Variants in SLC1A2 observed in about 807,000 individuals in gnomAD.
The protein encoded by SLC1A2 is solute carrier family 1 member 2.
A neutral mutation model predicts 48.8 loss-of-function variants in SLC1A2; 15 were observed. The ratio of observed to expected loss-of-function variants is 0.31; its 90% CI spans 0.21 to 0.47. The LOEUF is 0.47. Ranked by LOEUF, SLC1A2 falls within the 20% of genes least tolerant of loss-of-function variation. SLC1A2 has a pLI of 0.99. For missense variants in SLC1A2, 502 were observed against 730.5 expected (o/e 0.69, Z 3.61); for synonymous variants, 279 against 272.6 (o/e 1.02, Z -0.23).
At position 35,317,767 on chromosome 11, in the gene SLC1A2, G is replaced by T. The variant is rs557968479; in HGVS notation, c.18-251C>A. Among the ~76,000 whole-genome samples the T allele has an allele frequency of 2.6e-5, 4 of 152,310 alleles. No individual in the cohort carries two copies. The East Asian group carries it at 7.7e-4, about 29-fold the overall frequency. On this transcript the variant is annotated intron_variant, in intron 1 of 10. Transcript: ENST00000278379. ...AGGATCTTCCAAAGAGTTGCCCCCC[G>T]TGGTAACTTGGGGAAGGAAGTTATC... is the stretch of plus-strand genomic sequence containing the variant.
intron 1 of SLC1A2, among the ~76,000 whole-genome samples, chr11:35,366,883 T>C (rs1227473439): frequency 6.6e-6 from 1 of 152,168 alleles, no homozygotes; most frequent in African/African-American, 2.4e-5. Context: ...ATGCATGCAG[T>C]TGCCCTGCAA....
intron 1 of SLC1A2, among the ~76,000 whole-genome samples, chr11:35,351,463 C>A (rs916849356): frequency 3.3e-5 from 5 of 152,164 alleles, no homozygotes; most frequent in Non-Finnish European, 7.3e-5. Flanking sequence ...ATACTTCACC[C>A]CACTCAGCTC....
Position 35,265,659 on chromosome 11 carries a change from C to T in SLC1A2, c.1521G>A (p.Gln507=). Residue 507 remains glutamine, a synonymous_variant, in exon 10 of 11, where the codon CAG becomes CAA. Coordinates refer to ENST00000278379, the MANE Select transcript of SLC1A2 (RefSeq NM_004171.4). ...SKSELDTIDS[Q]HRVHEDIEMT... is the part of the protein sequence containing the mutation. ...TTTCAATATCTTCATGCACTCGATGCTGGGAGTCAATGGTATCCAGCTCAG... is the reference window on the plus strand; with the variant it reads ...TTTCAATATCTTCATGCACTCGATGTTGGGAGTCAATGGTATCCAGCTCAG... 1 of 1,613,376 alleles carries T rather than the reference C, an allele frequency of 6.2e-7. No individual in the cohort carries two copies. The highest frequency in any genetic ancestry group is 8.5e-7 in the Non-Finnish European group (1 of 1,179,306).
At chr11:35,344,702 C>G (rs1465787361) in intron 1 of SLC1A2, among the ~76,000 whole-genome samples, 1 of 152,168 alleles carries the variant, frequency 6.6e-6, no homozygotes, top group Non-Finnish European at 1.5e-5. Flanking sequence ...AAAAAGAAGG[C>G]CAACCTCCCT....
chr11:35,336,443 A>C (rs1329916491), intron 1 of SLC1A2, among the ~76,000 whole-genome samples: 1 of 152,180 alleles, frequency 6.6e-6, no homozygotes, highest in Non-Finnish European at 1.5e-5. Flanking sequence ...GCTTTCACCC[A>C]ATGGGCTTTG....
chr11:35,363,227 G>A (rs1565276786), intron 1 of SLC1A2, among the ~76,000 whole-genome samples: 1 of 152,174 alleles, frequency 6.6e-6, no homozygotes, highest in Non-Finnish European at 1.5e-5. Context: ...TGCAGGTGAG[G>A]TTCAGAAAGC....
intron 1 of SLC1A2, among the ~76,000 whole-genome samples, chr11:35,363,093 A>T (rs1853734349): frequency 6.6e-6 from 1 of 152,192 alleles, no homozygotes; most frequent in South Asian, 2.1e-4. Flanking sequence ...CGGACTCCTG[A>T]GCCAATGCAT....
At chr11:35,342,874 A>G (rs966320088) in intron 1 of SLC1A2, among the ~76,000 whole-genome samples, 1 of 152,352 alleles carries the variant, frequency 6.6e-6, no homozygotes, top group Admixed American at 6.5e-5. Flanking sequence ...AACCCTACAC[A>G]TTCAGTAGCA....
At chr11:35,397,242 C>T (rs1854992929) in intron 1 of SLC1A2, among the ~76,000 whole-genome samples, 1 of 149,996 alleles carries the variant, frequency 6.7e-6, no homozygotes, top group African/African-American at 2.4e-5. Context: ...GCCAAAAGAA[C>T]AAAGCCGGAG....
intron 1 of SLC1A2, chr11:35,418,575 C>A: frequency 4.8e-6 from 1 of 210,252 alleles, no homozygotes; most frequent in South Asian, 1.1e-4. Flanking sequence ...AAGCCCGCCT[C>A]GGGCCTGGGG....
rs150479963 is a variant in SLC1A2, at chr11:35,419,002, C to A, written c.-36G>T. ...ACGCCCCCTCCTCTTCAGCACTATC[C>A]GGCAGCTGTGGGCGAGGGAGAAAGC... On this transcript the variant is annotated 5_prime_UTR_variant, in exon 1 of 11. Coordinates refer to ENST00000278379, the MANE Select transcript of SLC1A2 (RefSeq NM_004171.4). The surrounding 1 kb of genome is among the most constrained non-coding windows in gnomAD (Gnocchi z 5.4). 1.0e-3 allele frequency: 1,582 copies of A among 1,549,894 alleles called. 16 individuals carry two copies. In the African/African-American group the frequency reaches 0.02, roughly 20 times the overall value.
chr11:35,302,059 C>T (rs1284781826), intron 5 of SLC1A2, among the ~76,000 whole-genome samples: 2 of 152,186 alleles, frequency 1.3e-5, no homozygotes, highest in Admixed American at 1.3e-4. Context: ...ATAGCAGAGG[C>T]CAATTAGCCA....
At chr11:35,323,780 C>A (rs1275000486) in intron 1 of SLC1A2, among the ~76,000 whole-genome samples, 1 of 152,172 alleles carries the variant, frequency 6.6e-6, no homozygotes, top group Non-Finnish European at 1.5e-5. Flanking sequence ...TTTTGTGTTC[C>A]TTTTAACCTG....
At chr11:35,408,907 A>G (rs1855380028) in intron 1 of SLC1A2, among the ~76,000 whole-genome samples, 1 of 152,242 alleles carries the variant, frequency 6.6e-6, no homozygotes, top group African/African-American at 2.4e-5. Flanking sequence ...AACTATTAAA[A>G]ACAGGTAAGG....
At chr11:35,379,267 C>T (rs779503052) in intron 1 of SLC1A2, among the ~76,000 whole-genome samples, 9 of 152,110 alleles carry the variant, frequency 5.9e-5, no homozygotes, top group Non-Finnish European at 1.0e-4. Flanking sequence ...GGGCAGTGCC[C>T]GGCACATAGG....
At chr11:35,389,469 T>C (rs1854694063) in intron 1 of SLC1A2, among the ~76,000 whole-genome samples, 1 of 152,020 alleles carries the variant, frequency 6.6e-6, no homozygotes, top group African/African-American at 2.4e-5. Flanking sequence ...CTTCTTCTTA[T>C]TATTATTTTT....
Position 35,398,903 on chromosome 11 carries a change from C to A in SLC1A2, c.17+20047G>T, listed in dbSNP as rs116095515. On this transcript the variant is annotated intron_variant, in intron 1 of 10. Coordinates refer to ENST00000278379, the MANE Select transcript of SLC1A2 (RefSeq NM_004171.4). Reference sequence around the variant, plus strand: ...GCAATGTGAGGAGGCTTAGCCTCCACTCCATTTACTCAGCTCTGGTGCTGT... The same window carrying A: ...GCAATGTGAGGAGGCTTAGCCTCCAATCCATTTACTCAGCTCTGGTGCTGT... 4.8e-3 allele frequency among the ~76,000 whole-genome samples: 724 copies of A among 152,326 alleles called. 5 individuals are homozygous for A. Among genetic ancestry groups the A allele is most frequent in the African/African-American group, 0.017 (698 of 41,552 alleles).
At chr11:35,287,027 C>T in intron 7 of SLC1A2, 76 bp from the exon 8 acceptor site, 2 of 1,104,968 alleles carry the variant, frequency 1.8e-6, no homozygotes, top group Non-Finnish European at 2.7e-6. Flanking sequence ...ACTGGAATGC[C>T]ACTGCATCCT....
At chr11:35,405,532 A>G (rs943075349) in intron 1 of SLC1A2, among the ~76,000 whole-genome samples, 1 of 152,148 alleles carries the variant, frequency 6.6e-6, no homozygotes, top group African/African-American at 2.4e-5. Context: ...TCCTTTACAA[A>G]GAACAATGGA....
Sources: allele counts gnomAD v4.1 joint callset (sites outside exome capture counted in the v4.1 genomes callset), GRCh38; gene constraint gnomAD v4.1.1; non-coding constraint Gnocchi (gnomAD v3.1); transcripts MANE v1.5; gene names NCBI Gene and HGNC (gene_info 2026-07-23, HGNC 2026-07-21).